Variants in PCDHGA6 observed in about 807,000 individuals in gnomAD.
The protein encoded by PCDHGA6 is protocadherin gamma-A6.
Under a neutral mutation model 60.6 loss-of-function variants are expected in PCDHGA6, and 41 were observed. That is an observed-to-expected ratio of 0.68 (90% CI 0.53 to 0.88). The LOEUF is 0.88. Among genes scored for constraint, PCDHGA6 ranks in the 40% least tolerant of loss-of-function variants. The pLI, the probability that PCDHGA6 is intolerant of heterozygous loss-of-function variation, is 0.00. For missense variants in PCDHGA6, 1,312 were observed against 1,203.0 expected (o/e 1.09, Z -1.34); for synonymous variants, 594 against 524.4 (o/e 1.13, Z -1.81).
intron 1 of PCDHGA6, chr5:141,410,023 C>A: frequency 6.2e-7 from 1 of 1,613,310 alleles, no homozygotes; most frequent in South Asian, 1.1e-5. Context: ...TGTCCTACCA[C>A]GTGCTGCAGG....
rs2099394923 is a variant in PCDHGA6 at position 141,476,611 on chromosome 5, A to G, written c.2425-18196A>G. On this transcript the variant is annotated intron_variant, in intron 1 of 3. Coordinates refer to ENST00000517434, the MANE Select transcript of PCDHGA6 (RefSeq NM_018919.3). The surrounding 1 kb of genome is among the most constrained non-coding windows in gnomAD (Gnocchi z 7.6). ...AGAGCGCGCACGATCCCGATGTGGG[A>G]AGCAACTCTTTACAAACCTATGAGC... 6.2e-7 allele frequency: 1 copy of G among 1,614,092 alleles called. No individual in the cohort carries two copies. Among genetic ancestry groups the G allele is most frequent in the Non-Finnish European group, 8.5e-7 (1 of 1,180,042 alleles).
intron 1 of PCDHGA6, chr5:141,415,772 T>C (rs540545854): frequency 4.5e-6 from 6 of 1,336,628 alleles, no homozygotes; most frequent in African/African-American, 1.8e-5. Context: ...TTTTTTTTTT[T>C]ACTTTCTGGT....
intron 2 of PCDHGA6, among the ~76,000 whole-genome samples, chr5:141,496,008 C>CT (rs1468405718): frequency 2.0e-5 from 3 of 151,956 alleles, no homozygotes; most frequent in Non-Finnish European, 4.4e-5. Flanking sequence ...TTTATCTTGT[C>CT]TTTTTTCTCT....
At chr5:141,415,312 A>G (rs1245475147) in intron 1 of PCDHGA6, 1 of 1,614,222 alleles carries the variant, frequency 6.2e-7, no homozygotes, top group Non-Finnish European at 8.5e-7. Context: ...GGCCTTCGTC[A>G]TCGTGCTGCT....
intron 1 of PCDHGA6, chr5:141,400,255 C>A (rs2093990770): frequency 4.3e-6 from 7 of 1,613,928 alleles, no homozygotes; most frequent in Non-Finnish European, 1.7e-6. Context: ...CGTTGCCTTG[C>A]GCCTGCGACG....
rs371964437 is a variant in PCDHGA6, at chr5:141,511,404, C to T, written c.*231C>T. On this transcript the variant is annotated 3_prime_UTR_variant, in exon 4 of 4. Coordinates refer to ENST00000517434, the MANE Select transcript of PCDHGA6 (RefSeq NM_018919.3). ...CCGCTGGGAACCCCCATCCAATCAA[C>T]TGCTGTACCCATGGGGGTAGTGGGG... The T allele has an allele frequency of 7.7e-5, 73 of 947,014 alleles. No individual in the cohort carries two copies. In the East Asian group the frequency reaches 1.8e-3, roughly 23 times the overall value. The allele number at this position is 947,014 out of a possible 1,614,324, so 58.7% of individuals were successfully genotyped here.
intron 1 of PCDHGA6, chr5:141,383,844 T>C (rs569088165): frequency 2.5e-6 from 4 of 1,613,924 alleles, no homozygotes; most frequent in Non-Finnish European, 3.4e-6. Context: ...CTGCCTTCTA[T>C]GAAATGGAGG....
At chr5:141,495,102 C>A (rs1344771035) in intron 2 of PCDHGA6, among the ~76,000 whole-genome samples, 3 of 152,160 alleles carry the variant, frequency 2.0e-5, no homozygotes, top group Non-Finnish European at 4.4e-5. Flanking sequence ...CTCGCCACGA[C>A]CGGCACCTTT....
At chr5:141,469,126 A>T (rs2099191838) in intron 1 of PCDHGA6, among the ~76,000 whole-genome samples, 1 of 151,470 alleles carries the variant, frequency 6.6e-6, no homozygotes, top group African/African-American at 2.4e-5. Context: ...AAATTTAAAA[A>T]TTAGCCAGAA....
chr5:141,385,442 G>T, intron 1 of PCDHGA6: 1 of 1,450,070 alleles, frequency 6.9e-7, no homozygotes, highest in Non-Finnish European at 9.1e-7. Context: ...AGGTAAAAAT[G>T]AGTTTACCAG....
rs1345498022 is a variant in PCDHGA6 at position 141,493,312 on chromosome 5, A to G, written c.2425-1495A>G. On this transcript the variant is annotated intron_variant, in intron 1 of 3. Coordinates refer to ENST00000517434, the MANE Select transcript of PCDHGA6 (RefSeq NM_018919.3). This position sits in a 1 kb window ranked among gnomAD's most constrained non-coding sequence, Gnocchi z 4.3. ...CTCAAGTTCACAGAGCAAGTAAGAG[A>G]GATTCTAACCCCTGTCTAACTCCAG... 6.6e-6 allele frequency among the ~76,000 whole-genome samples: 1 copy of G among 152,174 alleles called. No individual in the cohort carries two copies. Among genetic ancestry groups the G allele is most frequent in the Non-Finnish European group, 1.5e-5 (1 of 68,028 alleles).
At position 141,480,524 on chromosome 5, in the gene PCDHGA6, AAAG is replaced by A. The variant is rs1342230573; in HGVS notation, c.2425-14282_2425-14280del. Among the ~76,000 whole-genome samples, 4 of 127,792 alleles carry A rather than the reference AAAG, an allele frequency of 3.1e-5. No homozygotes were observed. The East Asian group carries it at 7.7e-4, about 25-fold the overall frequency. 83.8% of individuals were successfully genotyped at this position (127,792 alleles called of 152,430 possible). On this transcript the variant is annotated intron_variant, in intron 1 of 3. Transcript: ENST00000517434. Reference sequence around the variant, plus strand: ...ACATATGAGAACAACCAAAAATGACAAAGTAGAAGCACATATGAAAAGGCTAAG... The same window carrying A: ...ACATATGAGAACAACCAAAAATGACATAGAAGCACATATGAAAAGGCTAAG...
chr5:141,384,261 C>G (rs1561601309), intron 1 of PCDHGA6: 1 of 1,613,910 alleles, frequency 6.2e-7, no homozygotes, highest in East Asian at 2.2e-5. Context: ...CCTTCCCCCA[C>G]TCATCCTACT....
chr5:141,497,100 T>A (rs886445893), intron 2 of PCDHGA6, among the ~76,000 whole-genome samples: 2 of 151,774 alleles, frequency 1.3e-5, no homozygotes, highest in Non-Finnish European at 2.9e-5. Context: ...GAGGCAGAAC[T>A]GCTTGAACCC....
At chr5:141,436,668 C>CA (rs1159051861) in intron 1 of PCDHGA6, among the ~76,000 whole-genome samples, 1 of 151,748 alleles carries the variant, frequency 6.6e-6, no homozygotes, top group South Asian at 2.1e-4. Flanking sequence ...AGTGGTTGAC[C>CA]AAAAAAAGGA....
chr5:141,395,114 C>T (rs2093175908), intron 1 of PCDHGA6: 2 of 1,614,070 alleles, frequency 1.2e-6, no homozygotes, highest in African/African-American at 1.3e-5. Context: ...GGAAGAGTCA[C>T]CTGATCTTTC....
At chr5:141,393,224 T>C in intron 1 of PCDHGA6, 1 of 1,613,670 alleles carries the variant, frequency 6.2e-7, no homozygotes, top group South Asian at 1.1e-5. Flanking sequence ...AGGTCGAAGA[T>C]CTAGAAGTAA....
At chr5:141,455,874 T>C (rs2098834969) in intron 1 of PCDHGA6, among the ~76,000 whole-genome samples, 1 of 146,458 alleles carries the variant, frequency 6.8e-6, no homozygotes, top group South Asian at 2.1e-4. Flanking sequence ...TTTATTTATT[T>C]ATTTATTTAT....
intron 1 of PCDHGA6, chr5:141,398,616 C>T (rs922729367): frequency 6.2e-7 from 1 of 1,614,020 alleles, no homozygotes; most frequent in Non-Finnish European, 8.5e-7. Flanking sequence ...CAGATATTGG[C>T]TTAAACTCTC....
Sources: gnomAD v4.1 joint callset for allele counts (sites outside exome capture counted in the v4.1 genomes callset) on GRCh38, gnomAD v4.1.1 for gene constraint, Gnocchi (gnomAD v3.1) non-coding constraint, MANE v1.5 for transcripts, NCBI Gene and HGNC (gene_info 2026-07-23, HGNC 2026-07-21) for gene names.